SORBS2: variants seen among roughly 807,000 people sequenced by gnomAD.
SORBS2 encodes sorbin and SH3 domain-containing protein 2.
In SORBS2, 46 loss-of-function variants were observed where a neutral mutation model predicts 97.7. The observed-to-expected ratio is 0.47, with a 90% CI of 0.37 to 0.60. SORBS2 has a LOEUF of 0.60. Among genes scored for constraint, SORBS2 ranks in the 20% least tolerant of loss-of-function variants. The pLI is 0.00. For synonymous variants in SORBS2, 476 were observed against 473.4 expected (o/e 1.01, Z -0.07); for missense variants, 1,316 against 1,282.3 (o/e 1.03, Z -0.40).
intron 1 of SORBS2, among the ~76,000 whole-genome samples, chr4:185,853,501 GCTTT>G (rs2099219061): frequency 6.6e-6 from 1 of 152,164 alleles, no homozygotes; most frequent in Non-Finnish European, 1.5e-5. Context: ...GCTGGATAAT[GCTTT>G]CTTTCTTGTG....
chr4:185,781,548 C>T (rs1379490672), intron 1 of SORBS2, among the ~76,000 whole-genome samples: 2 of 151,604 alleles, frequency 1.3e-5, no homozygotes, highest in African/African-American at 2.4e-5. Flanking sequence ...CTTCCATTGC[C>T]TCCAGCCTCT....
At chr4:185,708,608 T>A (rs2098381254) in intron 2 of SORBS2, among the ~76,000 whole-genome samples, 1 of 152,116 alleles carries the variant, frequency 6.6e-6, no homozygotes, top group African/African-American at 2.4e-5. Flanking sequence ...ATAAGGCTAA[T>A]GAGCTATTTT....
At chr4:185,587,530 C>T in exon 15 of SORBS2, 1 of 1,030,854 alleles carries the variant, frequency 9.7e-7, no homozygotes, top group South Asian at 1.3e-5. Context: ...CATTGGAAAC[C>T]GTAAGGCATG....
At chr4:185,681,515 C>T (rs1380773812) in intron 2 of SORBS2, among the ~76,000 whole-genome samples, 1 of 152,062 alleles carries the variant, frequency 6.6e-6, no homozygotes, top group East Asian at 1.9e-4. Flanking sequence ...AAACACAAAG[C>T]TAGGACTAGG....
At chr4:185,943,623 A>C (rs1265803481) in intron 1 of SORBS2, among the ~76,000 whole-genome samples, 1 of 152,220 alleles carries the variant, frequency 6.6e-6, no homozygotes, top group Non-Finnish European at 1.5e-5. Context: ...TAGCAGGGGG[A>C]ATATATTAGA....
At chr4:185,939,625 C>T (rs533164741) in intron 1 of SORBS2, among the ~76,000 whole-genome samples, 3 of 152,322 alleles carry the variant, frequency 2.0e-5, no homozygotes, top group Admixed American at 2.0e-4. Flanking sequence ...ATTCTCCTGC[C>T]TCAGCCTCCC....
At chr4:185,935,707 T>G (rs1314036011) in intron 1 of SORBS2, among the ~76,000 whole-genome samples, 1 of 152,082 alleles carries the variant, frequency 6.6e-6, no homozygotes, top group Middle Eastern at 3.2e-3. Context: ...TTTTGAGATA[T>G]GTATATGGGT....
chr4:185,661,033 G>C (rs1265365461), upstream of SORBS2, among the ~76,000 whole-genome samples: 1 of 152,068 alleles, frequency 6.6e-6, no homozygotes, highest in African/African-American at 2.4e-5. Flanking sequence ...CCAGCACTTA[G>C]GGAGGTCGAG....
chr4:185,889,923 G>C (rs2099241613), intron 1 of SORBS2, among the ~76,000 whole-genome samples: 1 of 151,676 alleles, frequency 6.6e-6, no homozygotes, highest in Non-Finnish European at 1.5e-5. Flanking sequence ...GTTTCACTCT[G>C]TCCCCCAGGC....
At chr4:185,785,538 G>A (rs1477021963) in intron 1 of SORBS2, among the ~76,000 whole-genome samples, 2 of 152,148 alleles carry the variant, frequency 1.3e-5, no homozygotes, top group African/African-American at 2.4e-5. Flanking sequence ...GATGGAGAGC[G>A]TGGTCTGTAC....
intron 1 of SORBS2, among the ~76,000 whole-genome samples, chr4:185,878,725 C>A (rs2099235055): frequency 6.6e-6 from 1 of 152,190 alleles, no homozygotes. Flanking sequence ...GAACTCCACA[C>A]CTCACATCTG....
rs556145541 is a variant in SORBS2, at chr4:185,606,248, T to C, written c.2796+5532A>G. 4 of 985,212 alleles carry C rather than the reference T, an allele frequency of 4.1e-6. No individual in the cohort carries two copies. The highest frequency in any genetic ancestry group is 4.8e-6 in the Non-Finnish European group (4 of 829,854). The allele number at this position is 985,212 out of a possible 1,614,324, so 61.0% of individuals were successfully genotyped here. On this transcript the variant is annotated intron_variant, in intron 12 of 14. Transcript: ENST00000418609. The surrounding 1 kb of genome is among the most constrained non-coding windows in gnomAD (Gnocchi z 4.3). ...TTGACGATTAAAGATGTGGAGTTTTTAGAATAGTGTCTGATACTCAGTAAG... is the reference window on the plus strand; with the variant it reads ...TTGACGATTAAAGATGTGGAGTTTTCAGAATAGTGTCTGATACTCAGTAAG...
At chr4:185,788,813 G>T (rs997011438) in intron 1 of SORBS2, among the ~76,000 whole-genome samples, 3 of 152,198 alleles carry the variant, frequency 2.0e-5, no homozygotes, top group African/African-American at 7.2e-5. Flanking sequence ...AAATTGCAGA[G>T]CCTCCACCAT....
intron 7 of SORBS2, among the ~76,000 whole-genome samples, chr4:185,621,228 C>T (rs892565278): frequency 3.9e-5 from 6 of 152,116 alleles, no homozygotes; most frequent in African/African-American, 1.4e-4. Context: ...ATTTTGACTA[C>T]TTTGATGATG....
intron 11 of SORBS2, among the ~76,000 whole-genome samples, chr4:185,612,680 G>C (rs553734296): frequency 6.6e-6 from 1 of 152,018 alleles, no homozygotes; most frequent in South Asian, 2.1e-4. Context: ...GCAGAGATAG[G>C]GGTTTCACCA....
chr4:185,683,375 G>C (rs538570638), intron 2 of SORBS2, among the ~76,000 whole-genome samples: 1 of 152,260 alleles, frequency 6.6e-6, no homozygotes, highest in Non-Finnish European at 1.5e-5. Context: ...GTGCGTCAAG[G>C]TTCACGTCTG....
rs2098981043 is a variant in SORBS2, at chr4:185,773,089, C to T, written c.-198+2138G>A. The T allele has an allele frequency of 4.0e-5, 6 of 151,876 alleles. No individual in the cohort carries two copies. In the South Asian group the frequency reaches 1.2e-3, roughly 32 times the overall value. The allele number at this position is 151,876 out of a possible 1,614,324, so 9.4% of individuals were successfully genotyped here. A position where few individuals can be genotyped will look rare whatever the true frequency, so the allele number is the denominator to read the frequency against. On this transcript the variant is annotated intron_variant, in intron 2 of 20. Transcript: ENST00000284776. Reference sequence around the variant, plus strand: ...ACAAAACAAAACAGGGGGAAAATGGCTTGCCTGGGAATGGAATGATCACCT... The same window carrying T: ...ACAAAACAAAACAGGGGGAAAATGGTTTGCCTGGGAATGGAATGATCACCT...
intron 2 of SORBS2, among the ~76,000 whole-genome samples, chr4:185,727,837 G>A (rs1304913891): frequency 6.6e-6 from 1 of 152,168 alleles, no homozygotes; most frequent in Non-Finnish European, 1.5e-5. Flanking sequence ...TTGAGTTACT[G>A]ATTAATGTTT....
chr4:185,871,302 C>T lies in SORBS2; in HGVS notation c.-338+84894G>A, dbSNP rs868453215. ...ACCGAGGACATGAAGCTCAGAAAAA[C>T]ACTAAGCCCATGAAACAAAGAATCC... On this transcript the variant is annotated intron_variant, in intron 1 of 20. Transcript: ENST00000284776. 7.2e-5 allele frequency among the ~76,000 whole-genome samples: 11 copies of T among 151,952 alleles called. No homozygotes were observed. The South Asian group carries it at 2.3e-3, about 32-fold the overall frequency.
Sources: allele counts gnomAD v4.1 joint callset (sites outside exome capture counted in the v4.1 genomes callset), GRCh38; gene constraint gnomAD v4.1.1; non-coding constraint Gnocchi (gnomAD v3.1); transcripts MANE v1.5; gene names NCBI Gene and HGNC (gene_info 2026-07-23, HGNC 2026-07-21).